Variants in ARHGEF7 observed in about 807,000 individuals in gnomAD.
ARHGEF7 encodes PAK-interacting exchange factor beta.
ARHGEF7 carries 33 observed loss-of-function variants against 109.8 expected under a neutral mutation model. The ratio of observed to expected loss-of-function variants is 0.30; its 90% confidence interval spans 0.23 to 0.40. ARHGEF7 has a LOEUF of 0.40. ARHGEF7 is among the 10% of genes least tolerant of loss of function. The pLI is 1.00. For synonymous variants in ARHGEF7, 458 were observed against 424.6 expected (o/e 1.08, Z -0.97); for missense variants, 938 against 1,098.5 (o/e 0.85, Z 2.07).
intron 19 of ARHGEF7, among the ~76,000 whole-genome samples, chr13:111,297,453 C>A (rs974105389): frequency 6.6e-6 from 1 of 152,222 alleles, no homozygotes; most frequent in African/African-American, 2.4e-5. Context: ...GTGCCGGGCA[C>A]ATACAGTAAC....
chr13:111,193,110 A>G (rs1454522695), intron 2 of ARHGEF7, among the ~76,000 whole-genome samples: 3 of 152,192 alleles, frequency 2.0e-5, no homozygotes, highest in Admixed American at 1.3e-4. Flanking sequence ...AGTGTTTTCA[A>G]TACCCATATG....
intron 2 of ARHGEF7, among the ~76,000 whole-genome samples, chr13:111,164,095 T>G (rs764298076): frequency 1.4e-4 from 21 of 152,190 alleles, no homozygotes; most frequent in Non-Finnish European, 1.8e-4. Flanking sequence ...CGGTGATCTT[T>G]GAAATGAAAT....
chr13:111,271,458 C>G (rs2092140386), intron 9 of ARHGEF7, among the ~76,000 whole-genome samples: 1 of 152,238 alleles, frequency 6.6e-6, no homozygotes, highest in African/African-American at 2.4e-5. Flanking sequence ...GTACGGTGAG[C>G]AGGACACCTT....
At chr13:111,153,603 A>T (rs780219521) in intron 1 of ARHGEF7, 1 of 1,148,104 alleles carries the variant, frequency 8.7e-7, no homozygotes, top group South Asian at 2.6e-5. Context: ...ACGCTATCCG[A>T]AGACGTCCCG....
rs1313707875 is a variant in ARHGEF7, at chr13:111,200,769, T to G, written c.253-4520T>G. ...TCCCCAGGTGTTCCCAAGTACACTT[T>G]GTAGATGGTTTATCCAAAACGGTCC... is the stretch of plus-strand genomic sequence containing the variant. On this transcript the variant is annotated intron_variant, in intron 2 of 21. Transcript: ENST00000646102. Among the ~76,000 whole-genome samples the G allele has an allele frequency of 2.0e-5, 3 of 152,238 alleles. No homozygotes were observed. The East Asian group carries it at 5.8e-4, about 29-fold the overall frequency.
At position 111,272,190 on chromosome 13, in the gene ARHGEF7, G is replaced by A. The variant is rs926326603; in HGVS notation, c.1074-1624G>A. On this transcript the variant is annotated intron_variant, in intron 9 of 21. Coordinates refer to ENST00000646102, the MANE Select transcript of ARHGEF7 (RefSeq NM_001354046.2). The surrounding 1 kb of genome is among the most constrained non-coding windows in gnomAD (Gnocchi z 5.2). ...ACATGGAATAAGGAGGGTGAGAAGC[G>A]GGAAGGGCTGGCACCACCCTGGCTC... Among the ~76,000 whole-genome samples, 16 of 152,220 alleles carry A rather than the reference G, an allele frequency of 1.1e-4. No homozygotes were observed. The highest frequency in any genetic ancestry group is 2.2e-4 in the Non-Finnish European group (15 of 68,036).
At chr13:111,244,364 G>T in intron 8 of ARHGEF7, 70 bp downstream of exon 8, 1 of 903,580 alleles carries the variant, frequency 1.1e-6, no homozygotes, top group Non-Finnish European at 1.7e-6. Context: ...TAAGTGTGAA[G>T]TAATTTTAGA....
At chr13:111,156,080 CAAAAAAAAAAAA>C (rs56803261) in intron 2 of ARHGEF7, among the ~76,000 whole-genome samples, 1 of 123,698 alleles carries the variant, frequency 8.1e-6, no homozygotes, top group Non-Finnish European at 1.7e-5. Context: ...AAGACTCCCT[CAAAAAAAAAAAA>C]AAAAAAAAAA....
intron 6 of ARHGEF7, among the ~76,000 whole-genome samples, chr13:111,241,644 C>T (rs973250041): frequency 5.9e-5 from 9 of 152,190 alleles, no homozygotes; most frequent in Admixed American, 1.3e-4. Context: ...CTACAACCAG[C>T]GCTTAGTGCT....
intron 8 of ARHGEF7, among the ~76,000 whole-genome samples, chr13:111,253,851 C>A (rs80322507): frequency 6.6e-6 from 1 of 152,232 alleles, no homozygotes; most frequent in East Asian, 1.9e-4. Context: ...GATGACCTCT[C>A]GCAACCCAGT....
intron 1 of ARHGEF7, among the ~76,000 whole-genome samples, chr13:111,127,648 G>GAAAAAAAAAAAAAAAAAAAAAAAAA (rs71206956): frequency 2.5e-5 from 1 of 40,044 alleles, no homozygotes; most frequent in African/African-American, 8.8e-5. Flanking sequence ...CTCTGTTTCA[G>GAAAAAAAAAAAAAAAAAAAAAAAAA]AAAAAAAAAA....
At chr13:111,275,939 T>C (rs1179830444) in intron 12 of ARHGEF7, 1 of 442,496 alleles carries the variant, frequency 2.3e-6, no homozygotes, top group Non-Finnish European at 4.2e-6. Flanking sequence ...GAAGGATAGA[T>C]AGTGTGCAGA....
At position 111,115,445 on chromosome 13, in the gene ARHGEF7, G is replaced by A; in HGVS notation, c.-82G>A. On this transcript the variant is annotated 5_prime_UTR_variant, in exon 1 of 22. Transcript: ENST00000646102. ...CCGCTCGATGGGCGAGGCGGCGGCG[G>A]CGGCGGCGGGGGCCGCGGGCCGGGC... The A allele has an allele frequency of 1.0e-6, 1 of 971,436 alleles. No homozygotes were observed. 60.2% of individuals were successfully genotyped at this position (971,436 alleles called of 1,614,324 possible).
intron 6 of ARHGEF7, among the ~76,000 whole-genome samples, chr13:111,233,777 A>G (rs1308778129): frequency 6.6e-6 from 1 of 152,192 alleles, no homozygotes; most frequent in Non-Finnish European, 1.5e-5. Context: ...TCTAAACGCT[A>G]TACGTGTTAA....
chr13:111,170,295 G>A (rs2077479312), intron 2 of ARHGEF7, among the ~76,000 whole-genome samples: 1 of 152,170 alleles, frequency 6.6e-6, no homozygotes, highest in Non-Finnish European at 1.5e-5. Flanking sequence ...ACGAGGTCTT[G>A]CCATGTTGGC....
intron 19 of ARHGEF7, chr13:111,293,296 G>A (rs974041922): frequency 1.0e-6 from 1 of 985,314 alleles, no homozygotes. Context: ...AAGAGCCATG[G>A]ACACATCATT....
chr13:111,222,983 T>C (rs1471982671), intron 5 of ARHGEF7, among the ~76,000 whole-genome samples: 1 of 152,246 alleles, frequency 6.6e-6, no homozygotes, highest in Non-Finnish European at 1.5e-5. Context: ...TATAGTATAT[T>C]GTTATAATTG....
In ARHGEF7 at chr13:111,305,359, T is replaced by A. The variant is rs951918799; in HGVS notation, c.*2246T>A. ...ATATAAACGTTTAAAGGGGCCACGA[T>A]TTGCCCGAGGGTTACTCCTTTGCTC... On this transcript the variant is annotated 3_prime_UTR_variant, in exon 22 of 22. Coordinates refer to ENST00000646102, the MANE Select transcript of ARHGEF7 (RefSeq NM_001354046.2). 6.6e-6 allele frequency: 1 copy of A among 152,266 alleles called. No individual in the cohort carries two copies. Among genetic ancestry groups the A allele is most frequent in the Non-Finnish European group, 1.5e-5 (1 of 68,062 alleles). The allele number at this position is 152,266 out of a possible 1,614,324, so 9.4% of individuals were successfully genotyped here.
intron 2 of ARHGEF7, among the ~76,000 whole-genome samples, chr13:111,159,917 G>T (rs1473038654): frequency 6.6e-6 from 1 of 152,130 alleles, no homozygotes; most frequent in South Asian, 2.1e-4. Context: ...TCATATCCAA[G>T]AACTCATTGT....
Sources: gnomAD v4.1 joint callset for allele counts (sites outside exome capture counted in the v4.1 genomes callset) on GRCh38, gnomAD v4.1.1 for gene constraint, Gnocchi (gnomAD v3.1) non-coding constraint, MANE v1.5 for transcripts, NCBI Gene and HGNC (gene_info 2026-07-23, HGNC 2026-07-21) for gene names.